The following AGBL4 variants were observed in gnomAD, a reference collection of about 807,000 sequenced individuals.
AGBL4 encodes the protein cytosolic carboxypeptidase 6.
AGBL4 carries 58 observed loss-of-function variants against 66.4 expected under a neutral mutation model. The ratio of observed to expected loss-of-function variants is 0.87; its 90% CI spans 0.71 to 1.09. The LOEUF is 1.09. AGBL4 is among the 50% of genes least tolerant of loss of function. AGBL4 has a pLI of 0.00. For missense variants in AGBL4, 579 were observed against 631.0 expected, an observed-to-expected ratio of 0.92 and a Z score of 0.88; for synonymous variants, 234 against 222.9, an observed-to-expected ratio of 1.05 and a Z score of -0.44.
At chr1:49,390,964 T>C (rs1644832811) in intron 3 of AGBL4, among the ~76,000 whole-genome samples, 1 of 152,014 alleles carries the variant, frequency 6.6e-6, no homozygotes, top group Non-Finnish European at 1.5e-5. Context: ...CAGGCTGCGG[T>C]GTGAGGGAAG....
chr1:49,623,456 T>C (rs2124314975), intron 3 of AGBL4, among the ~76,000 whole-genome samples: 1 of 152,350 alleles, frequency 6.6e-6, no homozygotes, highest in Admixed American at 6.5e-5. Flanking sequence ...TCTTCTTTCC[T>C]GGCATTTTAA....
At chr1:49,904,048 G>A (rs530486216) in intron 1 of AGBL4, among the ~76,000 whole-genome samples, 156 of 152,226 alleles carry the variant, frequency 1.0e-3, no homozygotes, top group African/African-American at 3.6e-3. Context: ...TTCACCATCA[G>A]CCACTCTGAT....
At chr1:49,069,590 T>C (rs1644558998) in intron 4 of AGBL4, among the ~76,000 whole-genome samples, 1 of 151,932 alleles carries the variant, frequency 6.6e-6, no homozygotes, top group South Asian at 2.1e-4. Flanking sequence ...CATTGGTCTA[T>C]GTATCTGTTG....
At chr1:48,610,032 C>A (rs963658307) in intron 9 of AGBL4, among the ~76,000 whole-genome samples, 1 of 152,236 alleles carries the variant, frequency 6.6e-6, no homozygotes, top group African/African-American at 2.4e-5. Context: ...GGCAAGCATT[C>A]ACCCTCTAAG....
At chr1:49,417,737 A>G (rs1403612032) in intron 3 of AGBL4, among the ~76,000 whole-genome samples, 1 of 152,146 alleles carries the variant, frequency 6.6e-6, no homozygotes, top group Non-Finnish European at 1.5e-5. Flanking sequence ...GTTAAAATAC[A>G]TTGCTTTTTA....
chr1:49,732,154 A>T (rs2124716447), intron 2 of AGBL4, among the ~76,000 whole-genome samples: 1 of 152,326 alleles, frequency 6.6e-6, no homozygotes, highest in East Asian at 1.9e-4. Flanking sequence ...TAAAGGGTGC[A>T]ACTCTACCAG....
intron 4 of AGBL4, among the ~76,000 whole-genome samples, chr1:49,118,953 C>G (rs566303248): frequency 2.0e-5 from 3 of 152,130 alleles, no homozygotes; most frequent in Non-Finnish European, 4.4e-5. Context: ...GGAATTTATC[C>G]ATTTCTTCTA....
intron 5 of AGBL4, among the ~76,000 whole-genome samples, chr1:48,902,511 G>A (rs1328689450): frequency 6.6e-6 from 1 of 152,106 alleles, no homozygotes; most frequent in Non-Finnish European, 1.5e-5. Flanking sequence ...AACTGGTGGT[G>A]GATTGGAAAG....
chr1:49,285,281 A>G (rs1644377738), intron 3 of AGBL4, among the ~76,000 whole-genome samples: 1 of 152,204 alleles, frequency 6.6e-6, no homozygotes, highest in South Asian at 2.1e-4. Context: ...CTGGATACAT[A>G]ACGAAATGAA....
At chr1:49,261,616 C>T (rs1653177211) in intron 3 of AGBL4, among the ~76,000 whole-genome samples, 2 of 151,990 alleles carry the variant, frequency 1.3e-5, no homozygotes, top group African/African-American at 2.4e-5. Flanking sequence ...TGTGAAGGAC[C>T]TCTTCAAGGA....
At chr1:48,931,516 CTCTT>C (rs1655032726) in intron 5 of AGBL4, among the ~76,000 whole-genome samples, 1 of 151,938 alleles carries the variant, frequency 6.6e-6, no homozygotes, top group Admixed American at 6.6e-5. Flanking sequence ...TTCTTTCTTT[CTCTT>C]TCTCTCTCTT....
chr1:49,934,444 C>A (rs1557593779), intron 1 of AGBL4, among the ~76,000 whole-genome samples: 2 of 152,084 alleles, frequency 1.3e-5, no homozygotes, highest in African/African-American at 4.8e-5. Context: ...CATCAGGTGT[C>A]TTTTACAACC....
At chr1:49,253,319 A>G (rs987751548) in intron 3 of AGBL4, among the ~76,000 whole-genome samples, 1 of 152,230 alleles carries the variant, frequency 6.6e-6, no homozygotes, top group South Asian at 2.1e-4. Context: ...AGGGCATTAC[A>G]TATGGTAAAA....
chr1:48,847,099 G>A (rs1261272235), intron 6 of AGBL4, among the ~76,000 whole-genome samples: 1 of 152,092 alleles, frequency 6.6e-6, no homozygotes, highest in Non-Finnish European at 1.5e-5. Flanking sequence ...TTGGGAGTTC[G>A]AGACCAGCCT....
At chr1:49,411,001 G>T (rs983437959) in intron 3 of AGBL4, among the ~76,000 whole-genome samples, 1 of 152,170 alleles carries the variant, frequency 6.6e-6, no homozygotes, top group Admixed American at 6.5e-5. Context: ...TATATGCAAG[G>T]GAGTTTATTA....
At chr1:49,084,445 G>C (rs1644867504) in intron 4 of AGBL4, among the ~76,000 whole-genome samples, 1 of 152,188 alleles carries the variant, frequency 6.6e-6, no homozygotes, top group Admixed American at 6.5e-5. Context: ...TGAAGGAGGA[G>C]CAAAGGTACA....
At chr1:49,082,699 A>G (rs963470464) in intron 4 of AGBL4, among the ~76,000 whole-genome samples, 5 of 152,112 alleles carry the variant, frequency 3.3e-5, no homozygotes, top group Non-Finnish European at 7.4e-5. Context: ...CCTCTCCCAA[A>G]TCTCATGCCC....
At position 48,870,712 on chromosome 1, in the gene AGBL4, G is replaced by A. The variant is rs181214634; in HGVS notation, c.595-3482C>T. Among the ~76,000 whole-genome samples the A allele has an allele frequency of 9.4e-4, 143 of 152,206 alleles. 1 individual carries two copies. Among genetic ancestry groups the A allele is most frequent in the Middle Eastern group, 3.4e-3 (1 of 294 alleles). ...TCTCCCCACTCCTACAGCTCCTACTGTCTGTACCACCTCTGTGGTGATAAA... is the reference window on the plus strand; with the variant it reads ...TCTCCCCACTCCTACAGCTCCTACTATCTGTACCACCTCTGTGGTGATAAA... On this transcript the variant is annotated intron_variant, in intron 5 of 13. Transcript: ENST00000371839.
chr1:48,842,444 G>C lies in AGBL4; in HGVS notation c.634+24747C>G, dbSNP rs1030650846. Among the ~76,000 whole-genome samples the C allele has an allele frequency of 3.9e-5, 6 of 152,226 alleles. 1 individual carries two copies. Among genetic ancestry groups the C allele is most frequent in the Middle Eastern group, 6.8e-3 (2 of 294 alleles). On this transcript the variant is annotated intron_variant, in intron 6 of 13. Transcript: ENST00000371839. ...GTTTCTTATGATTATGGCTGCCCCA[G>C]TTCTCCTGTGGATGCTTAAGTCTTC...
Sources: allele counts gnomAD v4.1 joint callset (sites outside exome capture counted in the v4.1 genomes callset), GRCh38; gene constraint gnomAD v4.1.1; transcripts MANE v1.5; gene names NCBI Gene and HGNC (gene_info 2026-07-23, HGNC 2026-07-21).